ZNF436: variants seen among roughly 807,000 people sequenced by gnomAD.
The protein encoded by ZNF436 is zinc finger protein 436.
ZNF436 carries 22 observed loss-of-function variants against 41.9 expected under a neutral mutation model. That is an observed-to-expected ratio of 0.53 (90% CI 0.38 to 0.75). The LOEUF is 0.75. Ranked by LOEUF, ZNF436 falls within the 30% of genes least tolerant of loss-of-function variation. The probability of loss-of-function intolerance (pLI) is 0.00; values close to 1 mark genes in which losing one functional copy is unlikely to be tolerated. For missense variants in ZNF436, 506 were observed against 587.3 expected (o/e 0.86, Z 1.43); for synonymous variants, 217 against 197.8 (o/e 1.10, Z -0.82).
chr1:23,364,777 T>G (rs1283587137), intron 3 of ZNF436, among the ~76,000 whole-genome samples: 2 of 152,192 alleles, frequency 1.3e-5, no homozygotes, highest in African/African-American at 2.4e-5. Context: ...TACAAGGAGT[T>G]TTATACCAGA....
chr1:23,367,275 G>T, intron 2 of ZNF436, 107 bp from the exon 3 acceptor site: 1 of 1,276,924 alleles, frequency 7.8e-7, no homozygotes. Context: ...GTGACCTATA[G>T]AGTCCAAATA....
rs778803532 is a variant in ZNF436 at position 23,362,305 on chromosome 1, C to T, written c.1077G>A (p.Glu359=). ...LVQHQRTHTG[E]KPYECNACGK... ...CACAAGCATTGCATTCATATGGCTT[C>T]TCTCCAGTGTGAGTTCTCTGGTGCT... Residue 359 remains glutamate, a synonymous_variant, in exon 4 of 4, where the codon GAG becomes GAA. Coordinates refer to ENST00000314011, the MANE Select transcript of ZNF436 (RefSeq NM_001077195.2). 18 of 1,614,058 alleles carry T rather than the reference C, an allele frequency of 1.1e-5. No homozygotes were observed. In the East Asian group the frequency reaches 4.0e-4, roughly 36 times the overall value.
At chr1:23,363,333 G>A (rs1638292073) in intron 3 of ZNF436, 112 bp from the exon 4 acceptor site, 2 of 844,384 alleles carry the variant, frequency 2.4e-6, no homozygotes, top group East Asian at 5.3e-5. Context: ...GTGTTGCCTT[G>A]GCTGGAGTGC....
Position 23,369,707 on chromosome 1 carries a change from G to A in ZNF436, c.-402C>T, listed in dbSNP as rs139242133. 9 of 430,862 alleles carry A rather than the reference G, an allele frequency of 2.1e-5. No homozygotes were observed. Among genetic ancestry groups the A allele is most frequent in the Admixed American group, 5.4e-5 (2 of 37,348 alleles). 26.7% of individuals were successfully genotyped at this position (430,862 alleles called of 1,614,324 possible). On this transcript the variant is annotated 5_prime_UTR_variant, in exon 1 of 4. Coordinates refer to ENST00000314011, the MANE Select transcript of ZNF436 (RefSeq NM_001077195.2). ...GCATTCAGCTGGAGTTCCTCGGAAC[G>A]GGAGGACTCGCAGCTCTCCCTTTCC...
chr1:23,365,496 T>C (rs1041029788), intron 3 of ZNF436, among the ~76,000 whole-genome samples: 5 of 151,746 alleles, frequency 3.3e-5, no homozygotes, highest in African/African-American at 9.7e-5. Flanking sequence ...GGCGGATCAC[T>C]TGAGGTCAGG....
At chr1:23,368,925 G>A (rs1638428780) in intron 1 of ZNF436, 1 of 155,634 alleles carries the variant, frequency 6.4e-6, no homozygotes, top group South Asian at 1.7e-4. Context: ...GGCTCTGTAC[G>A]CAATACAACT....
intron 2 of ZNF436, 123 bp from the exon 3 acceptor site, chr1:23,367,291 TAAAC>T: frequency 8.8e-7 from 1 of 1,140,894 alleles, no homozygotes; most frequent in Non-Finnish European, 1.2e-6. Context: ...AAATAAGAAA[TAAAC>T]AAGCAAAAAA....
At chr1:23,366,904 T>C in intron 3 of ZNF436, 138 bp downstream of exon 3, 1 of 943,088 alleles carries the variant, frequency 1.1e-6, no homozygotes, top group Non-Finnish European at 1.6e-6. Flanking sequence ...TTCAAAGATC[T>C]GCCTGAGGAC....
Position 23,360,065 on chromosome 1 carries a change from C to A in ZNF436, c.*1904G>T, listed in dbSNP as rs765386838. On this transcript the variant is annotated 3_prime_UTR_variant, in exon 4 of 4. Coordinates refer to ENST00000314011, the MANE Select transcript of ZNF436 (RefSeq NM_001077195.2). ...TTAGTTACCAAGAACATGTGTCACC[C>A]GACAATTAAAATATGGATACCCACA... 1 of 152,114 alleles carries A rather than the reference C, an allele frequency of 6.6e-6. No individual in the cohort carries two copies. The highest frequency in any genetic ancestry group is 2.4e-5 in the African/African-American group (1 of 41,328). 9.4% of individuals were successfully genotyped at this position (152,114 alleles called of 1,614,324 possible).
Position 23,362,570 on chromosome 1 carries a change from G to A in ZNF436, c.812C>T (p.Thr271Ile), listed in dbSNP as rs1638268866. Residue 271 changes from threonine to isoleucine, a missense_variant, in exon 4 of 4, where the codon ACC (threonine) becomes ATC (isoleucine). Physicochemically the swap from Thr to Ile is moderately conservative, Grantham distance 89. This residue lies in a region of ZNF436 where 278 missense variants were observed against 372.1 expected (regional missense o/e 0.75). Coordinates refer to ENST00000314011, the MANE Select transcript of ZNF436 (RefSeq NM_001077195.2). ...RSSHLAQHQR[T>I]HTGEKPYECN... is the part of the protein sequence containing the mutation. ...TTCATAAGGTTTCTCACCCGTGTGG[G>A]TCCTCTGGTGCTGAGCTAGGTGAGA... 1 of 1,612,100 alleles carries A rather than the reference G, an allele frequency of 6.2e-7. No homozygotes were observed. The highest frequency in any genetic ancestry group is 1.1e-5 in the South Asian group (1 of 90,944).
At position 23,361,846 on chromosome 1, in the gene ZNF436, G is replaced by GTTT. The variant is rs1439157801; in HGVS notation, c.*120_*122dup. 1.3e-5 allele frequency: 13 copies of GTTT among 1,037,760 alleles called. No individual in the cohort carries two copies. The East Asian group carries it at 3.0e-4, about 24-fold the overall frequency. The allele number at this position is 1,037,760 out of a possible 1,614,324, so 64.3% of individuals were successfully genotyped here. A position where few individuals can be genotyped will look rare whatever the true frequency, so the allele number is the denominator to read the frequency against. On this transcript the variant is annotated 3_prime_UTR_variant, in exon 4 of 4. Coordinates refer to ENST00000314011, the MANE Select transcript of ZNF436 (RefSeq NM_001077195.2). ...TTCAAATGGCTTGTCATCTCTGATG[G>GTTT]TTTAAATCGTGGCCCACAACTAGGA... is the stretch of plus-strand genomic sequence containing the variant.
chr1:23,367,890 T>TC, intron 2 of ZNF436, 83 bp downstream of exon 2: 1 of 1,501,362 alleles, frequency 6.7e-7, no homozygotes, highest in Middle Eastern at 1.7e-4. Context: ...CCAGGGAATT[T>TC]CCCACAGGGA....
rs1467087632 is a variant in ZNF436 at position 23,368,373 on chromosome 1, G to C, written c.-60-308C>G. 4.3e-5 allele frequency: 10 copies of C among 231,848 alleles called. No homozygotes were observed. In the Admixed American group the frequency reaches 5.3e-4, roughly 12 times the overall value. 14.4% of individuals were successfully genotyped at this position (231,848 alleles called of 1,614,324 possible). The stretch of plus-strand genomic sequence containing the variant: ...GCCTCCGCTCTGCCATCTCGAGGCC[G>C]GGTCCTTTCCGGCAGCTGCCTCAGC... On this transcript the variant is annotated intron_variant, in intron 1 of 3. Coordinates refer to ENST00000314011, the MANE Select transcript of ZNF436 (RefSeq NM_001077195.2).
rs776748065 is a variant in ZNF436 at position 23,362,461 on chromosome 1, C to T, written c.921G>A (p.Lys307=). 1.4e-5 allele frequency: 23 copies of T among 1,613,932 alleles called. No homozygotes were observed. The highest frequency in any genetic ancestry group is 1.9e-5 in the Non-Finnish European group (23 of 1,179,866). ...TGAAATTCTTCCCACACTCATCACA[C>T]TTGTAGGGCCTCTCCCCTGTGTGGA... The part of the protein sequence containing the change: ...YRVHTGERPY[K]CDECGKNFSQ... The change falls in exon 4 of 4, where the codon AAG becomes AAA. Residue 307 remains lysine (K), a synonymous_variant. Coordinates refer to ENST00000314011, the MANE Select transcript of ZNF436 (RefSeq NM_001077195.2).
Position 23,363,150 on chromosome 1 carries a change from T to C in ZNF436, c.232A>G (p.Thr78Ala). ...EISEDVQFGT[T>A]SERPAENAEE... ...GCATTCTCAGCAGGTCTTTCAGATG[T>C]AGTCCCAAATTGTACATCTTCACTA... Residue 78 changes from threonine (T) to alanine (A), a missense_variant, in exon 4 of 4, where the codon ACA becomes GCA. Thr to Ala is a moderately conservative substitution (Grantham distance 58). Coordinates refer to ENST00000314011, the MANE Select transcript of ZNF436 (RefSeq NM_001077195.2). 4.3e-6 allele frequency: 7 copies of C among 1,614,142 alleles called. No individual in the cohort carries two copies. The highest frequency in any genetic ancestry group is 5.9e-6 in the Non-Finnish European group (7 of 1,180,020).
rs892105683 is a variant in ZNF436 at position 23,360,597 on chromosome 1, A to C, written c.*1372T>G. On this transcript the variant is annotated 3_prime_UTR_variant, in exon 4 of 4. Transcript: ENST00000314011. ...TATATCTGTAGGGTGGGAGGATGGA[A>C]ATACATTCCTACCGAGGTTCGTTAA... 1.3e-5 allele frequency: 2 copies of C among 152,474 alleles called. No individual in the cohort carries two copies. The highest frequency in any genetic ancestry group is 2.9e-5 in the Non-Finnish European group (2 of 68,038). The allele number at this position is 152,474 out of a possible 1,614,324, so 9.4% of individuals were successfully genotyped here. A position where few individuals can be genotyped will look rare whatever the true frequency, so the allele number is the denominator to read the frequency against.
In ZNF436 at chr1:23,361,892, A is replaced by T; in HGVS notation, c.*77T>A. The T allele has an allele frequency of 7.0e-7, 1 of 1,422,258 alleles. No homozygotes were observed. The highest frequency in any genetic ancestry group is 9.5e-7 in the Non-Finnish European group (1 of 1,058,148). The allele number at this position is 1,422,258 out of a possible 1,614,324, so 88.1% of individuals were successfully genotyped here. ...TAGGAGAGTATGATAAAAGCAGCTC[A>T]GTCTTGAGGGCGTTCATTGATATCA... On this transcript the variant is annotated 3_prime_UTR_variant, in exon 4 of 4. Transcript: ENST00000314011.
At chr1:23,364,236 T>C (rs189640196) in intron 3 of ZNF436, among the ~76,000 whole-genome samples, 2 of 152,250 alleles carry the variant, frequency 1.3e-5, no homozygotes, top group Non-Finnish European at 2.9e-5. Flanking sequence ...GTTTGTTTGT[T>C]TGTTTTGTTT....
rs1435276881 is a variant in ZNF436, at chr1:23,361,304, C to T, written c.*665G>A. The T allele has an allele frequency of 1.3e-5, 2 of 152,668 alleles. No individual in the cohort carries two copies. The highest frequency in any genetic ancestry group is 2.9e-5 in the Non-Finnish European group (2 of 68,076). The allele number at this position is 152,668 out of a possible 1,614,324, so 9.5% of individuals were successfully genotyped here. A position where few individuals can be genotyped will look rare whatever the true frequency, so the allele number is the denominator to read the frequency against. ...CATTGATGGGTCCTTGGTCCCCAAACCTGTGTCTCATTTTTCCTTTCCAAC... is the reference window on the plus strand; with the variant it reads ...CATTGATGGGTCCTTGGTCCCCAAATCTGTGTCTCATTTTTCCTTTCCAAC... On this transcript the variant is annotated 3_prime_UTR_variant, in exon 4 of 4. Coordinates refer to ENST00000314011, the MANE Select transcript of ZNF436 (RefSeq NM_001077195.2).
Sources: allele counts gnomAD v4.1 joint callset (sites outside exome capture counted in the v4.1 genomes callset), GRCh38; gene constraint gnomAD v4.1.1; regional missense constraint gnomAD v4.1.1; transcripts MANE v1.5; gene names NCBI Gene and HGNC (gene_info 2026-07-23, HGNC 2026-07-21).